The following DIDO1 variants were observed in gnomAD, a reference collection of about 807,000 sequenced individuals.
The protein encoded by DIDO1 is death inducer-obliterator 1, also known as death-inducer obliterator 1.
In DIDO1, 16 loss-of-function variants were observed where a neutral mutation model predicts 99.4. That is an observed-to-expected ratio of 0.16 (90% CI 0.11 to 0.24). The LOEUF (loss-of-function observed/expected upper bound fraction) is 0.24, where lower values mean the gene tolerates loss of function less well. DIDO1 is among the 10% of genes least tolerant of loss of function. DIDO1 has a pLI of 1.00. For missense variants in DIDO1, 2,996 were observed against 3,014.0 expected, an observed-to-expected ratio of 0.99 and a Z score of 0.14; for synonymous variants, 1,366 against 1,239.1, an observed-to-expected ratio of 1.10 and a Z score of -2.15.
intron 1 of DIDO1, among the ~76,000 whole-genome samples, chr20:62,916,283 T>A (rs896365041): frequency 3.9e-5 from 6 of 152,178 alleles, no homozygotes; most frequent in African/African-American, 1.4e-4. Context: ...TAAAACAGAA[T>A]GTACCAAATT....
rs2064188722 is a variant in DIDO1 at position 62,880,846 on chromosome 20, T to C, written c.5110A>G (p.Arg1704Gly). ...CTCCTTCCAGCAGAATGAAGATTTC[T>C]TGGGTCCTCATACTGGGCTGAGCCG... ...ALGSAQYEDP[R>G]NLHSAGRSSS... The change falls in exon 16 of 16, where the codon AGA (arginine) becomes GGA (glycine). Residue 1704 changes from arginine (R) to glycine (G), a missense_variant. By Grantham distance (125) the Arg-to-Gly change is moderately radical. Transcript: ENST00000395343. 1 of 1,612,832 alleles carries C rather than the reference T, an allele frequency of 6.2e-7. No homozygotes were observed. The highest frequency in any genetic ancestry group is 8.5e-7 in the Non-Finnish European group (1 of 1,179,988).
Position 62,905,756 on chromosome 20 carries a change from C to A in DIDO1, c.1588+131G>T, listed in dbSNP as rs374494525. On this transcript the variant is annotated intron_variant, in intron 6 of 15. Transcript: ENST00000395343. The stretch of plus-strand genomic sequence containing the variant: ...TCCTGGACATGGGCTCTGCTTCCCG[C>A]TGATGGTGCAGCCGGTGTCTGTGAT... 3.1e-6 allele frequency: 5 copies of A among 1,607,982 alleles called. No homozygotes were observed. The African/African-American group carries it at 6.7e-5, about 21-fold the overall frequency.
At chr20:62,912,255 G>A (rs1371033874) in intron 2 of DIDO1, among the ~76,000 whole-genome samples, 1 of 152,214 alleles carries the variant, frequency 6.6e-6, no homozygotes, top group Non-Finnish European at 1.5e-5. Flanking sequence ...CTGCTGCCAA[G>A]TGAATGACCC....
At chr20:62,933,292 A>G (rs967118590) in intron 1 of DIDO1, among the ~76,000 whole-genome samples, 1 of 152,204 alleles carries the variant, frequency 6.6e-6, no homozygotes, top group Non-Finnish European at 1.5e-5. Flanking sequence ...AACATCTCTA[A>G]TTGTTTAAAA....
intron 15 of DIDO1, chr20:62,888,334 A>C (rs2064330451): frequency 2.0e-6 from 2 of 985,394 alleles, no homozygotes; most frequent in East Asian, 1.1e-4. Flanking sequence ...TAACATCCCC[A>C]GGGGAAGATG....
chr20:62,922,182 ATG>A (rs563584499), intron 1 of DIDO1, among the ~76,000 whole-genome samples: 1,609 of 146,370 alleles, frequency 0.011, 14 homozygotes, highest in South Asian at 0.027. Context: ...TTTTATATGT[ATG>A]TGTGTGTGTG....
In DIDO1 at chr20:62,909,685, G is replaced by T. The variant is rs763513220; in HGVS notation, c.1161+14C>A. 1 of 1,610,794 alleles carries T rather than the reference G, an allele frequency of 6.2e-7. No individual in the cohort carries two copies. The highest frequency in any genetic ancestry group is 1.3e-5 in the African/African-American group (1 of 74,884). ...CCGACTGCTGAATGCTCGTCTCAGC[G>T]GACAAACACTTACAGGCTGGAAGAT... is the stretch of plus-strand genomic sequence containing the variant. On this transcript the variant is annotated intron_variant, in intron 4 of 15. Transcript: ENST00000395343.
chr20:62,931,384 T>G (rs1329375721), upstream of DIDO1, among the ~76,000 whole-genome samples: 1 of 152,196 alleles, frequency 6.6e-6, no homozygotes, highest in Non-Finnish European at 1.5e-5. Flanking sequence ...TAAAAACAAC[T>G]TTGGAATAAA....
At chr20:62,885,672 A>G (rs370371502) in intron 15 of DIDO1, among the ~76,000 whole-genome samples, 1 of 152,334 alleles carries the variant, frequency 6.6e-6, no homozygotes, top group East Asian at 1.9e-4. Context: ...CCCGCCATTT[A>G]AAATTTAAAT....
In DIDO1 at chr20:62,892,792, A is replaced by G. The variant is rs373856199; in HGVS notation, c.3255+17T>C. ...ATGAAAGACACACACACGCACACAC[A>G]TTTTCTTGGTTCTAACCTCACTGAG... On this transcript the variant is annotated intron_variant, in intron 13 of 15. Coordinates refer to ENST00000395343, the MANE Select transcript of DIDO1 (RefSeq NM_001193369.2). 12 of 1,602,314 alleles carry G rather than the reference A, an allele frequency of 7.5e-6. No individual in the cohort carries two copies. The highest frequency in any genetic ancestry group is 6.8e-5 in the Admixed American group (4 of 59,000).
intron 3 of DIDO1, 53 bp downstream of exon 3, chr20:62,910,721 G>T (rs75432726): frequency 0.013 from 19,792 of 1,559,146 alleles, 166 homozygotes; most frequent in Non-Finnish European, 0.016. Context: ...AAAACAAATG[G>T]AAAATTCTGT....
At position 62,881,205 on chromosome 20, in the gene DIDO1, C is replaced by G. The variant is rs372175100; in HGVS notation, c.4751G>C (p.Arg1584Pro). The G allele has an allele frequency of 6.2e-7, 1 of 1,606,228 alleles. No homozygotes were observed. The highest frequency in any genetic ancestry group is 1.7e-5 in the Admixed American group (1 of 59,776). ...CTCGGGCAGGGCACCCTGGGCACCA[C>G]GTGCCGAGAGCCTGGAGAGAGGCTC... is the stretch of plus-strand genomic sequence containing the variant. The part of the protein sequence containing the change: ...EGEPLSRLSA[R>P]GAQGALPERD... Residue 1584 changes from arginine (R) to proline (P), a missense_variant, in exon 16 of 16, where the codon CGT becomes CCT. Around this residue, in one of 5 missense-constraint regions of DIDO1, gnomAD observed 1,562 missense variants for 1,412.6 expected, o/e 1.11. Coordinates refer to ENST00000395343, the MANE Select transcript of DIDO1 (RefSeq NM_001193369.2). This position sits in a 1 kb window ranked among gnomAD's most constrained non-coding sequence, Gnocchi z 8.3.
chr20:62,903,697 T>A (rs961161083), intron 6 of DIDO1, among the ~76,000 whole-genome samples: 2 of 152,228 alleles, frequency 1.3e-5, no homozygotes, highest in Non-Finnish European at 2.9e-5. Context: ...CAGAAGCTAC[T>A]AGCTCAAAAG....
chr20:62,918,631 TTC>T (rs1394898124), intron 1 of DIDO1, among the ~76,000 whole-genome samples: 15 of 152,346 alleles, frequency 9.8e-5, no homozygotes, highest in East Asian at 3.8e-4. Flanking sequence ...GTGGCAAACA[TTC>T]TGTTTCTTCA....
intron 15 of DIDO1, chr20:62,887,699 C>G (rs2064318092): frequency 1.0e-6 from 1 of 985,502 alleles, no homozygotes; most frequent in Non-Finnish European, 1.2e-6. Context: ...CTGCACAGAA[C>G]CCTACACGAT....
At chr20:62,930,475 T>C (rs190208797), upstream of DIDO1, among the ~76,000 whole-genome samples, 38 of 152,352 alleles carry the variant, frequency 2.5e-4, no homozygotes, top group African/African-American at 8.9e-4. Context: ...AGTTAAACTT[T>C]GTGTTCCAAC....
At chr20:62,932,085 G>C (rs2065337420) in intron 1 of DIDO1, among the ~76,000 whole-genome samples, 1 of 152,216 alleles carries the variant, frequency 6.6e-6, no homozygotes, top group South Asian at 2.1e-4. Context: ...TGTTGACCTG[G>C]CTGGTCTCAA....
At chr20:62,936,402 ATAAG>A (rs1380873471) in intron 1 of DIDO1, among the ~76,000 whole-genome samples, 2 of 152,052 alleles carry the variant, frequency 1.3e-5, no homozygotes, top group Non-Finnish European at 2.9e-5. Context: ...AAAATACAAA[ATAAG>A]TAGCCGGGCG....
intron 1 of DIDO1, among the ~76,000 whole-genome samples, chr20:62,917,585 C>A (rs1489597323): frequency 6.6e-6 from 1 of 152,204 alleles, no homozygotes; most frequent in South Asian, 2.1e-4. Flanking sequence ...GACCACTCGG[C>A]TCCCAGCTCA....
Sources: gnomAD v4.1 joint callset for allele counts (sites outside exome capture counted in the v4.1 genomes callset) on GRCh38, gnomAD v4.1.1 for gene constraint, gnomAD v4.1.1 regional missense constraint, Gnocchi (gnomAD v3.1) non-coding constraint, MANE v1.5 for transcripts, NCBI Gene and HGNC (gene_info 2026-07-23, HGNC 2026-07-21) for gene names.